The following CNGB3 variants were observed in gnomAD, a reference collection of about 807,000 sequenced individuals.
CNGB3 encodes cyclic nucleotide-gated channel beta-3.
Under a neutral mutation model 92.8 loss-of-function variants are expected in CNGB3, and 86 were observed. The observed-to-expected ratio is 0.93, with a 90% CI of 0.78 to 1.11. The LOEUF (loss-of-function observed/expected upper bound fraction) is 1.11. Among genes scored for constraint, CNGB3 ranks in the 50% least tolerant of loss-of-function variants. The pLI, the probability that CNGB3 is intolerant of heterozygous loss-of-function variation, is 0.00. For missense variants in CNGB3, 1,026 were observed against 956.8 expected (o/e 1.07, Z -0.95); for synonymous variants, 333 against 332.7 (o/e 1.00, Z -0.01).
chr8:86,583,121 G>A (rs927049228), intron 15 of CNGB3, among the ~76,000 whole-genome samples: 6 of 151,980 alleles, frequency 3.9e-5, no homozygotes, highest in South Asian at 2.1e-4. Context: ...GGCTGGTCTC[G>A]AACTCTTGAC....
intron 3 of CNGB3, among the ~76,000 whole-genome samples, chr8:86,694,919 A>G (rs554916271): frequency 7.9e-5 from 12 of 152,270 alleles, no homozygotes; most frequent in African/African-American, 2.6e-4. Flanking sequence ...AGAGGCTGCA[A>G]TCTCAGCACT....
chr8:86,694,698 G>A (rs954190433), intron 3 of CNGB3, among the ~76,000 whole-genome samples: 7 of 151,338 alleles, frequency 4.6e-5, no homozygotes, highest in African/African-American at 9.7e-5. Flanking sequence ...CATCTCAGAC[G>A]ATGGGTGGCC....
intron 9 of CNGB3, 33 bp downstream of exon 9, chr8:86,644,589 C>G: frequency 6.3e-7 from 1 of 1,596,692 alleles, no homozygotes; most frequent in Admixed American, 1.7e-5. Flanking sequence ...TTGCTTTTTC[C>G]CCTTCCCCCA....
chr8:86,575,666 C>T lies in CNGB3; in HGVS notation c.*138G>A. The stretch of plus-strand genomic sequence containing the variant: ...CATGAAATCACACTCTCAGATAAGT[C>T]CTAGAAACTAAGCTAGGGATTTGCC... On this transcript the variant is annotated 3_prime_UTR_variant, in exon 18 of 18. Transcript: ENST00000320005. 1 of 668,262 alleles carries T rather than the reference C, an allele frequency of 1.5e-6. No homozygotes were observed. The highest frequency in any genetic ancestry group is 2.6e-6 in the Non-Finnish European group (1 of 389,084). The allele number at this position is 668,262 out of a possible 1,614,324, so 41.4% of individuals were successfully genotyped here.
At chr8:86,589,549 C>T (rs967317656) in intron 15 of CNGB3, among the ~76,000 whole-genome samples, 14 of 152,004 alleles carry the variant, frequency 9.2e-5, no homozygotes, top group African/African-American at 2.4e-4. Context: ...TCTTTGTTCT[C>T]GTTGGTTTCA....
At position 86,611,617 on chromosome 8, in the gene CNGB3, A is replaced by G. The variant is rs1822524336; in HGVS notation, c.1633T>C (p.Tyr545His). ...DMLLRLKSVL[Y>H]LPGDFVCKKG... is the part of the protein sequence containing the mutation. ...TTGCAGACAAAGTCACCAGGCAAAT[A>G]GAGAACGGATTTCAATCTTAGCAAC... The change falls in exon 14 of 18, where the codon TAT (tyrosine) becomes CAT (histidine). Residue 545 changes from tyrosine (Y) to histidine (H), a missense_variant. Coordinates refer to ENST00000320005, the MANE Select transcript of CNGB3 (RefSeq NM_019098.5). 1 of 1,613,460 alleles carries G rather than the reference A, an allele frequency of 6.2e-7. No individual in the cohort carries two copies. The highest frequency in any genetic ancestry group is 8.5e-7 in the Non-Finnish European group (1 of 1,179,602).
intron 3 of CNGB3, among the ~76,000 whole-genome samples, chr8:86,685,634 G>C (rs1349964263): frequency 6.6e-6 from 1 of 152,064 alleles, no homozygotes; most frequent in Non-Finnish European, 1.5e-5. Context: ...GTTCCTTTCA[G>C]ATGAATGAAC....
chr8:86,705,370 TAAAAA>T (rs1036193060), intron 3 of CNGB3, among the ~76,000 whole-genome samples: 1 of 150,546 alleles, frequency 6.6e-6, no homozygotes, highest in Admixed American at 6.6e-5. Flanking sequence ...CAGGTGTGAG[TAAAAA>T]AAAAGTGCTG....
At chr8:86,618,689 C>A (rs985785952) in intron 13 of CNGB3, among the ~76,000 whole-genome samples, 5 of 152,138 alleles carry the variant, frequency 3.3e-5, no homozygotes, top group Non-Finnish European at 5.9e-5. Flanking sequence ...AAAAGTCTAG[C>A]AACAATACTT....
At chr8:86,635,859 TATATAC>T (rs201588353) in intron 10 of CNGB3, among the ~76,000 whole-genome samples, 8,363 of 69,768 alleles carry the variant, frequency 0.12, 531 homozygotes, top group Admixed American at 0.2. Flanking sequence ...TATATATATA[TATATAC>T]ACATACACAT....
intron 3 of CNGB3, among the ~76,000 whole-genome samples, chr8:86,695,262 G>A (rs185865412): frequency 0.017 from 2,600 of 152,288 alleles, 35 homozygotes; most frequent in Non-Finnish European, 0.026. Flanking sequence ...GTCCAGCTTC[G>A]GCTCGGCATC....
intron 15 of CNGB3, among the ~76,000 whole-genome samples, chr8:86,586,332 T>G (rs573951717): frequency 0.033 from 2,697 of 81,592 alleles, 74 homozygotes; most frequent in African/African-American, 0.073. Flanking sequence ...TAATATTTTT[T>G]TTTAAATTTT....
chr8:86,701,884 A>G (rs1201735640), intron 3 of CNGB3, among the ~76,000 whole-genome samples: 2 of 152,230 alleles, frequency 1.3e-5, no homozygotes, highest in Non-Finnish European at 2.9e-5. Context: ...CTTAGAAAAT[A>G]CCAAAAGGTG....
chr8:86,605,584 G>A (rs921580358), intron 14 of CNGB3, among the ~76,000 whole-genome samples: 12 of 152,064 alleles, frequency 7.9e-5, no homozygotes, highest in Admixed American at 6.5e-4. Flanking sequence ...AAATCAACTC[G>A]AGATTAAAAG....
chr8:86,648,103 C>T (rs1176422847), intron 7 of CNGB3, among the ~76,000 whole-genome samples: 1 of 151,134 alleles, frequency 6.6e-6, no homozygotes, highest in Non-Finnish European at 1.5e-5. Context: ...TTCATTTCCA[C>T]CTCCATGCAT....
At chr8:86,595,070 A>C (rs903792656) in intron 15 of CNGB3, among the ~76,000 whole-genome samples, 1 of 152,224 alleles carries the variant, frequency 6.6e-6, no homozygotes, top group South Asian at 2.1e-4. Flanking sequence ...ACTGAGGTCC[A>C]GAATCAGTTA....
intron 2 of CNGB3, 87 bp from the exon 3 acceptor site, chr8:86,726,744 C>CT: frequency 6.7e-7 from 1 of 1,495,206 alleles, no homozygotes; most frequent in Non-Finnish European, 9.3e-7. Flanking sequence ...AAAGATGCTG[C>CT]TTGTTTTTTA....
chr8:86,724,943 C>A (rs1286945321), intron 3 of CNGB3, among the ~76,000 whole-genome samples: 1 of 152,018 alleles, frequency 6.6e-6, no homozygotes, highest in Non-Finnish European at 1.5e-5. Flanking sequence ...GAGAGACAGA[C>A]CAGGCAGGGC....
At chr8:86,742,777 T>C (rs1825364334) in intron 1 of CNGB3, among the ~76,000 whole-genome samples, 1 of 152,190 alleles carries the variant, frequency 6.6e-6, no homozygotes, top group Admixed American at 6.5e-5. Flanking sequence ...TAGCCACTTG[T>C]AAAGTACCTA....
Sources: allele counts gnomAD v4.1 joint callset (sites outside exome capture counted in the v4.1 genomes callset), GRCh38; gene constraint gnomAD v4.1.1; transcripts MANE v1.5; gene names NCBI Gene and HGNC (gene_info 2026-07-23, HGNC 2026-07-21).